Variants in NCKAP5 observed in about 807,000 individuals in gnomAD.
NCKAP5 encodes NCK associated protein 5, also known as nck-associated protein 5.
NCKAP5 carries 92 observed loss-of-function variants against 167.0 expected under a neutral mutation model. The observed-to-expected ratio is 0.55, with a 90% confidence interval of 0.47 to 0.66. The LOEUF is 0.66. NCKAP5 is among the 30% of genes least tolerant of loss of function. The probability of loss-of-function intolerance (pLI) is 0.00; values close to 1 mark genes in which losing one functional copy is unlikely to be tolerated. For synonymous variants in NCKAP5, 891 were observed against 877.4 expected, an observed-to-expected ratio of 1.02 and a Z score of -0.27; for missense variants, 2,378 against 2,315.0, an observed-to-expected ratio of 1.03 and a Z score of -0.56.
chr2:133,307,616 T>C (rs910432350), intron 3 of NCKAP5, among the ~76,000 whole-genome samples: 1 of 152,198 alleles, frequency 6.6e-6, no homozygotes, highest in Non-Finnish European at 1.5e-5. Context: ...AATTAGTTTA[T>C]AGACAAACCA....
chr2:132,982,206 T>C (rs948488369), intron 7 of NCKAP5, among the ~76,000 whole-genome samples: 1 of 152,234 alleles, frequency 6.6e-6, no homozygotes, highest in African/African-American at 2.4e-5. Flanking sequence ...CACGCTATCA[T>C]ACATTATCTC....
intron 3 of NCKAP5, among the ~76,000 whole-genome samples, chr2:133,385,191 A>G (rs1413191693): frequency 2.6e-5 from 4 of 152,172 alleles, no homozygotes; most frequent in African/African-American, 9.7e-5. Context: ...GTCTGTCATA[A>G]ATAGCTCTTA....
intron 6 of NCKAP5, among the ~76,000 whole-genome samples, chr2:133,047,806 T>C (rs1406615945): frequency 1.3e-5 from 2 of 152,244 alleles, no homozygotes; most frequent in African/African-American, 4.8e-5. Flanking sequence ...CTAACCATTC[T>C]GATTAACCAG....
intron 11 of NCKAP5, among the ~76,000 whole-genome samples, chr2:132,803,086 G>A (rs941968603): frequency 1.3e-5 from 2 of 152,184 alleles, no homozygotes; most frequent in African/African-American, 4.8e-5. Flanking sequence ...AAAAGCTGAT[G>A]TTTAATTGAT....
At chr2:132,742,077 T>C (rs937132896) in intron 16 of NCKAP5, among the ~76,000 whole-genome samples, 1 of 152,088 alleles carries the variant, frequency 6.6e-6, no homozygotes, top group Admixed American at 6.6e-5. Context: ...TCTTTGCTTC[T>C]GTACAACAAT....
chr2:133,656,827 A>T, the NCKAP5 span, among the ~76,000 whole-genome samples: 1 of 152,132 alleles, frequency 6.6e-6, no homozygotes, highest in Admixed American at 6.6e-5. Flanking sequence ...ATTTGATTAC[A>T]TAAGCTCTTT....
intron 4 of NCKAP5, among the ~76,000 whole-genome samples, chr2:133,287,330 C>T (rs1187647066): frequency 6.6e-6 from 1 of 152,180 alleles, no homozygotes; most frequent in Non-Finnish European, 1.5e-5. Flanking sequence ...TATGGTCTAA[C>T]TAGCAACTGA....
intron 5 of NCKAP5, among the ~76,000 whole-genome samples, chr2:133,196,983 A>G (rs538953909): frequency 2.6e-5 from 4 of 152,310 alleles, no homozygotes; most frequent in South Asian, 4.1e-4. Context: ...AGAGTAAGAA[A>G]CAAATTCCTA....
intron 19 of NCKAP5, among the ~76,000 whole-genome samples, chr2:132,676,684 A>G (rs1338300552): frequency 6.6e-6 from 1 of 152,224 alleles, no homozygotes; most frequent in Non-Finnish European, 1.5e-5. Context: ...ATTAGTTTGC[A>G]GCAACTATAC....
chr2:132,726,198 C>A (rs1690441425), intron 18 of NCKAP5, among the ~76,000 whole-genome samples: 2 of 152,216 alleles, frequency 1.3e-5, no homozygotes, highest in African/African-American at 4.8e-5. Flanking sequence ...AAACAATCAA[C>A]CTTGGGAACA....
chr2:133,359,939 AATTG>A (rs1483794364), intron 3 of NCKAP5, among the ~76,000 whole-genome samples: 8 of 152,172 alleles, frequency 5.3e-5, no homozygotes. Context: ...CTGAGGGCGA[AATTG>A]ATTATTTGGC....
chr2:132,758,795 A>G (rs1477749563), intron 16 of NCKAP5, among the ~76,000 whole-genome samples: 3 of 152,198 alleles, frequency 2.0e-5, no homozygotes, highest in Non-Finnish European at 4.4e-5. Flanking sequence ...GATGTGGCAC[A>G]TAGACGTGTT....
At chr2:132,839,834 T>A (rs1458636774) in intron 11 of NCKAP5, among the ~76,000 whole-genome samples, 1 of 144,584 alleles carries the variant, frequency 6.9e-6, no homozygotes, top group Non-Finnish European at 1.5e-5. Flanking sequence ...ATCAATAACA[T>A]AAAGACTGAA....
intron 3 of NCKAP5, among the ~76,000 whole-genome samples, chr2:133,372,492 T>A (rs558426658): frequency 7.9e-5 from 12 of 152,302 alleles, no homozygotes; most frequent in African/African-American, 2.9e-4. Context: ...CCAAATCCCA[T>A]GTTTCTTTTT....
At chr2:132,917,077 A>C (rs151332470) in intron 8 of NCKAP5, among the ~76,000 whole-genome samples, 122 of 152,296 alleles carry the variant, frequency 8.0e-4, no homozygotes, top group African/African-American at 2.7e-3. Flanking sequence ...TAATTCTCAC[A>C]ATAATCATAT....
At chr2:133,183,491 G>A (rs896149985) in intron 5 of NCKAP5, among the ~76,000 whole-genome samples, 3 of 152,130 alleles carry the variant, frequency 2.0e-5, no homozygotes, top group Non-Finnish European at 2.9e-5. Context: ...ATCAATTGAT[G>A]TGGGAAAAAG....
intron 4 of NCKAP5, among the ~76,000 whole-genome samples, chr2:133,291,130 C>T (rs766459121): frequency 1.3e-5 from 2 of 152,152 alleles, no homozygotes; most frequent in Non-Finnish European, 2.9e-5. Flanking sequence ...AACACATCCC[C>T]AGTTTTTGTC....
chr2:133,613,036 C>T, the NCKAP5 span, among the ~76,000 whole-genome samples: 7 of 152,220 alleles, frequency 4.6e-5, no homozygotes, highest in African/African-American at 1.4e-4. Context: ...AGGAGCATTC[C>T]CAAAGAGCTG....
intron 4 of NCKAP5, among the ~76,000 whole-genome samples, chr2:133,232,409 C>A (rs992969589): frequency 7.9e-5 from 12 of 152,076 alleles, no homozygotes; most frequent in African/African-American, 2.9e-4. Flanking sequence ...GGGCTCAAGC[C>A]ATTGAAAAGA....
Sources: gnomAD v4.1 joint callset for allele counts (sites outside exome capture counted in the v4.1 genomes callset) on GRCh38, gnomAD v4.1.1 for gene constraint, MANE v1.5 for transcripts, NCBI Gene and HGNC (gene_info 2026-07-23, HGNC 2026-07-21) for gene names.